The following CAPN3 variants were observed in gnomAD, a reference collection of about 807,000 sequenced individuals.
CAPN3 encodes the protein calpain 3.
CAPN3 carries 88 observed loss-of-function variants against 114.0 expected under a neutral mutation model. The observed-to-expected ratio is 0.77, with a 90% confidence interval of 0.65 to 0.92. The LOEUF (loss-of-function observed/expected upper bound fraction) is 0.92. Ranked by LOEUF, CAPN3 falls within the 40% of genes least tolerant of loss-of-function variation. The pLI, the probability that CAPN3 is intolerant of heterozygous loss-of-function variation, is 0.00. For missense variants in CAPN3, 1,028 were observed against 1,069.0 expected (o/e 0.96, Z 0.53); for synonymous variants, 386 against 382.9 (o/e 1.01, Z -0.09).
chr15:42,410,092 G>T, intron 19 of CAPN3, 97 bp downstream of exon 19: 3 of 1,129,504 alleles, frequency 2.7e-6, no homozygotes, highest in Non-Finnish European at 4.0e-6. Flanking sequence ...GCCCTAATTT[G>T]TGCCCAGGGA....
intron 1 of CAPN3, among the ~76,000 whole-genome samples, chr15:42,382,555 G>T (rs1211175902): frequency 6.6e-6 from 1 of 152,094 alleles, no homozygotes; most frequent in Non-Finnish European, 1.5e-5. Context: ...TCTTTGTAGA[G>T]ACGGGGTCTC....
intron 8 of CAPN3, among the ~76,000 whole-genome samples, chr15:42,396,240 CA>C (rs1478160557): frequency 7.0e-6 from 1 of 143,124 alleles, no homozygotes. Context: ...GTCCAGAACC[CA>C]TTTTTTTTTT....
At chr15:42,369,101 A>G (rs1289458656) in intron 1 of CAPN3, among the ~76,000 whole-genome samples, 3 of 152,212 alleles carry the variant, frequency 2.0e-5, no homozygotes, top group South Asian at 2.1e-4. Flanking sequence ...GAGAGAGCCT[A>G]TCACAGGCTT....
At chr15:42,397,087 G>C (rs1321275462) in intron 9 of CAPN3, among the ~76,000 whole-genome samples, 1 of 152,146 alleles carries the variant, frequency 6.6e-6, no homozygotes, top group East Asian at 1.9e-4. Flanking sequence ...AGGCCAACAT[G>C]ACATGGCTCT....
At position 42,399,667 on chromosome 15, in the gene CAPN3, T is replaced by G; in HGVS notation, c.1354+15T>G. ...CAACTTCCCAGGTGGGAGATGCTCT[T>G]GATGGGGGGAGGGTCTAAGCCGAAA... On this transcript the variant is annotated intron_variant, in intron 10 of 23. Transcript: ENST00000397163. 1.3e-6 allele frequency: 2 copies of G among 1,587,270 alleles called. No individual in the cohort carries two copies. Among genetic ancestry groups the G allele is most frequent in the Non-Finnish European group, 1.7e-6 (2 of 1,165,244 alleles).
At chr15:42,410,034 A>G (rs1380075607) in intron 19 of CAPN3, 39 bp downstream of exon 19, 2 of 1,591,950 alleles carry the variant, frequency 1.3e-6, no homozygotes, top group Non-Finnish European at 1.7e-6. Context: ...CTCTGTCATC[A>G]GCCCACGGGG....
chr15:42,377,492 A>C (rs191777697), intron 1 of CAPN3, among the ~76,000 whole-genome samples: 154 of 152,268 alleles, frequency 1.0e-3, no homozygotes, highest in African/African-American at 3.6e-3. Context: ...TGATTTTTGA[A>C]TGTTGAACAA....
chr15:42,360,062 C>CT lies in CAPN3; in HGVS notation c.258dup (p.Leu87SerfsTer4), dbSNP rs753360208. 17 of 1,614,118 alleles carry CT rather than the reference C, an allele frequency of 1.1e-5. No individual in the cohort carries two copies. In the African/African-American group the frequency reaches 2.1e-4, roughly 20 times the overall value. Reference sequence around the variant, plus strand: ...CCTGAGTTCCCACCGGATGAGACCTCTCTCTTTTATAGCCAGAAGTTCCCC... The same window carrying CT: ...CCTGAGTTCCCACCGGATGAGACCTCTTCTCTTTTATAGCCAGAAGTTCCCC... On this transcript the variant is annotated frameshift_variant, in exon 1 of 24. Coordinates refer to ENST00000397163, the MANE Select transcript of CAPN3 (RefSeq NM_000070.3). LOFTEE classifies it high-confidence loss of function.
intron 4 of CAPN3, 98 bp downstream of exon 4, chr15:42,387,984 TA>T: frequency 2.1e-5 from 30 of 1,418,610 alleles, no homozygotes; most frequent in Non-Finnish European, 2.9e-5. Flanking sequence ...CATGTGCCTC[TA>T]TACGTGCATA....
At chr15:42,389,334 G>C (rs765306038) in intron 5 of CAPN3, among the ~76,000 whole-genome samples, 1 of 152,204 alleles carries the variant, frequency 6.6e-6, no homozygotes, top group Non-Finnish European at 1.5e-5. Flanking sequence ...GTGGAAATCA[G>C]TCCAGAGGCC....
At chr15:42,360,163 C>T in intron 1 of CAPN3, 49 bp downstream of exon 1, 3 of 1,609,598 alleles carry the variant, frequency 1.9e-6, no homozygotes, top group Non-Finnish European at 2.5e-6. Context: ...ACGGAGGAGT[C>T]CTCTCACTCA....
At chr15:42,376,028 A>T (rs1269322377) in intron 1 of CAPN3, among the ~76,000 whole-genome samples, 1 of 152,182 alleles carries the variant, frequency 6.6e-6, no homozygotes, top group Non-Finnish European at 1.5e-5. Context: ...ATGACCCTCA[A>T]TTGGCATTTG....
chr15:42,385,873 A>G (rs776586099), intron 2 of CAPN3: 74 of 618,670 alleles, frequency 1.2e-4, no homozygotes, highest in Non-Finnish European at 4.9e-5. Context: ...CTCTGTCTCC[A>G]TTGAGGCCTA....
In CAPN3 at chr15:42,409,852, G is replaced by A; in HGVS notation, c.2050+8G>A. On this transcript the variant is annotated splice_region_variant and intron_variant, in intron 18 of 23. Coordinates refer to ENST00000397163, the MANE Select transcript of CAPN3 (RefSeq NM_000070.3). ...ACACAGTCGTGAACAAACGTGAGTTGCTCAAACCAAATGGGGGTGGGGTGG... is the reference window on the plus strand; with the variant it reads ...ACACAGTCGTGAACAAACGTGAGTTACTCAAACCAAATGGGGGTGGGGTGG... The A allele has an allele frequency of 9.3e-7, 1 of 1,071,498 alleles. No individual in the cohort carries two copies. Among genetic ancestry groups the A allele is most frequent in the African/African-American group, 2.0e-5 (1 of 51,130 alleles). 66.4% of individuals were successfully genotyped at this position (1,071,498 alleles called of 1,614,324 possible).
chr15:42,401,770 TA>T lies in CAPN3; in HGVS notation c.1485del (p.Ala497ProfsTer98), dbSNP rs1595837172. ...AAGAACCGGCGGAAGGACCGGAAGC[TA>T]GGGGCCAGTCTCTTCACCATTGGCT... is the stretch of plus-strand genomic sequence containing the variant. ...MQKNRRKDRK[L>X]GASLFTIGFA... On this transcript the variant is annotated frameshift_variant, in exon 11 of 24. Transcript: ENST00000397163. LOFTEE classifies it high-confidence loss of function. The T allele has an allele frequency of 6.2e-7, 1 of 1,613,978 alleles. No homozygotes were observed. Among genetic ancestry groups the T allele is most frequent in the East Asian group, 2.2e-5 (1 of 44,848 alleles).
intron 6 of CAPN3, among the ~76,000 whole-genome samples, chr15:42,391,937 G>T (rs1434606698): frequency 6.6e-6 from 1 of 152,324 alleles, no homozygotes; most frequent in African/African-American, 2.4e-5. Flanking sequence ...GCTGAGGCGG[G>T]TGGATCACCT....
At chr15:42,385,531 C>CACACACAGAG (rs954375181) in intron 2 of CAPN3, 44 of 361,086 alleles carry the variant, frequency 1.2e-4, no homozygotes, top group African/African-American at 9.2e-4. Flanking sequence ...TATACACACA[C>CACACACAGAG]AGAGAGAGAG....
intron 6 of CAPN3, among the ~76,000 whole-genome samples, chr15:42,391,928 C>T (rs2053565451): frequency 6.6e-6 from 1 of 152,176 alleles, no homozygotes; most frequent in South Asian, 2.1e-4. Context: ...CTTTGGGAGG[C>T]TGAGGCGGGT....
Position 42,388,778 on chromosome 15 carries a change from T to C in CAPN3, c.633-150T>C, listed in dbSNP as rs377427637. On this transcript the variant is annotated intron_variant, in intron 4 of 23. Transcript: ENST00000397163. Reference sequence around the variant, plus strand: ...TCTTCATTATGAAGAAAGGGAATCATTGTTTCCATCCCATGAGCTCATAGG... The same window carrying C: ...TCTTCATTATGAAGAAAGGGAATCACTGTTTCCATCCCATGAGCTCATAGG... 6 of 775,032 alleles carry C rather than the reference T, an allele frequency of 7.7e-6. No homozygotes were observed. The African/African-American group carries it at 8.5e-5, about 11-fold the overall frequency. 48.0% of individuals were successfully genotyped at this position (775,032 alleles called of 1,614,324 possible). A position where few individuals can be genotyped will look rare whatever the true frequency, so the allele number is the denominator to read the frequency against.
Sources: allele counts gnomAD v4.1 joint callset (sites outside exome capture counted in the v4.1 genomes callset), GRCh38; gene constraint gnomAD v4.1.1; transcripts MANE v1.5; gene names NCBI Gene and HGNC (gene_info 2026-07-23, HGNC 2026-07-21).